SH3GL2: variants seen among roughly 807,000 people sequenced by gnomAD.
SH3GL2 encodes the protein endophilin-A1.
In SH3GL2, 24 loss-of-function variants were observed where a neutral mutation model predicts 46.0. The observed-to-expected ratio is 0.52, with a 90% confidence interval of 0.38 to 0.73. The LOEUF is 0.73. Among genes scored for constraint, SH3GL2 ranks in the 30% least tolerant of loss-of-function variants. SH3GL2 has a pLI of 0.00. For missense variants in SH3GL2, 413 were observed against 424.2 expected (o/e 0.97, Z 0.23); for synonymous variants, 196 against 147.1 (o/e 1.33, Z -2.40).
rs1026024692 is a variant in SH3GL2 at position 17,722,046 on chromosome 9, G to T, written c.46-25020G>T. 2.6e-5 allele frequency among the ~76,000 whole-genome samples: 4 copies of T among 151,942 alleles called. No homozygotes were observed. In the South Asian group the frequency reaches 8.3e-4, roughly 32 times the overall value. ...GTAGCGAAGGATTCACTCTCTCTAC[G>T]TTGCTATATCCACTTGTAAGTACAA... On this transcript the variant is annotated intron_variant, in intron 1 of 8. Transcript: ENST00000380607.
chr9:17,761,967 T>G (rs1427523590), intron 3 of SH3GL2, among the ~76,000 whole-genome samples: 1 of 152,196 alleles, frequency 6.6e-6, no homozygotes, highest in Admixed American at 6.5e-5. Context: ...AGCGTTGATC[T>G]TGATTCTGAT....
chr9:17,677,800 C>A (rs1185094156), intron 1 of SH3GL2, among the ~76,000 whole-genome samples: 1 of 151,652 alleles, frequency 6.6e-6, no homozygotes, highest in African/African-American at 2.4e-5. Flanking sequence ...CCACAACAGG[C>A]CCCCGTGTGT....
intron 1 of SH3GL2, among the ~76,000 whole-genome samples, chr9:17,660,339 C>T (rs1820181861): frequency 6.6e-6 from 1 of 152,170 alleles, no homozygotes; most frequent in Non-Finnish European, 1.5e-5. Context: ...CTGTGGACCT[C>T]TTTGGGTAGG....
intron 1 of SH3GL2, among the ~76,000 whole-genome samples, chr9:17,581,194 TA>T (rs1162345044): frequency 1.3e-5 from 2 of 152,158 alleles, no homozygotes; most frequent in African/African-American, 4.8e-5. Context: ...TTTTCCAACT[TA>T]AAAAATAGAG....
chr9:17,679,220 G>A (rs543966482), intron 1 of SH3GL2, among the ~76,000 whole-genome samples: 1 of 152,098 alleles, frequency 6.6e-6, no homozygotes, highest in African/African-American at 2.4e-5. Context: ...AATTACCTTG[G>A]GCAGTATGGC....
At chr9:17,646,726 G>T (rs896477879) in intron 1 of SH3GL2, among the ~76,000 whole-genome samples, 3 of 152,154 alleles carry the variant, frequency 2.0e-5, no homozygotes, top group African/African-American at 7.2e-5. Context: ...AAAGATTGAT[G>T]CCTGCTCCTA....
At chr9:17,740,233 T>A (rs1049325885) in intron 1 of SH3GL2, among the ~76,000 whole-genome samples, 5 of 152,110 alleles carry the variant, frequency 3.3e-5, no homozygotes, top group African/African-American at 1.2e-4. Flanking sequence ...TAAATATATA[T>A]TTTTTGAAAT....
intron 1 of SH3GL2, among the ~76,000 whole-genome samples, chr9:17,593,792 T>C (rs1353658083): frequency 6.6e-6 from 1 of 152,178 alleles, no homozygotes; most frequent in East Asian, 1.9e-4. Flanking sequence ...TGAAGTAATT[T>C]AGAAAATGGT....
At chr9:17,768,023 A>G (rs1446394355) in intron 3 of SH3GL2, among the ~76,000 whole-genome samples, 1 of 152,168 alleles carries the variant, frequency 6.6e-6, no homozygotes, top group Admixed American at 6.5e-5. Flanking sequence ...GAATAATGAT[A>G]TTCTTTACTT....
chr9:17,616,997 T>C (rs1404589278), intron 1 of SH3GL2, among the ~76,000 whole-genome samples: 1 of 152,210 alleles, frequency 6.6e-6, no homozygotes, highest in East Asian at 1.9e-4. Context: ...CTGCAAATGT[T>C]GGCAAATCTG....
At chr9:17,777,925 C>T (rs955769090) in intron 3 of SH3GL2, among the ~76,000 whole-genome samples, 1 of 151,970 alleles carries the variant, frequency 6.6e-6, no homozygotes, top group Non-Finnish European at 1.5e-5. Context: ...AGGTTGGGCT[C>T]TCATCCCTAT....
chr9:17,787,254 C>T (rs1213686623), intron 4 of SH3GL2, 126 bp from the exon 5 acceptor site: 1 of 722,596 alleles, frequency 1.4e-6, no homozygotes, highest in Non-Finnish European at 2.4e-6. Flanking sequence ...GATACCTATT[C>T]TCTCTTGTCT....
intron 1 of SH3GL2, among the ~76,000 whole-genome samples, chr9:17,696,408 G>A (rs1032473945): frequency 1.3e-5 from 2 of 152,086 alleles, no homozygotes; most frequent in African/African-American, 4.8e-5. Context: ...TTACTACTAT[G>A]GTATATTAGT....
At chr9:17,744,593 C>A (rs185468388) in intron 1 of SH3GL2, among the ~76,000 whole-genome samples, 4 of 152,076 alleles carry the variant, frequency 2.6e-5, no homozygotes, top group Admixed American at 2.0e-4. Flanking sequence ...TCTCGGAAAT[C>A]CTGGGCTCAA....
At chr9:17,592,989 C>G (rs978248489) in intron 1 of SH3GL2, among the ~76,000 whole-genome samples, 1 of 152,140 alleles carries the variant, frequency 6.6e-6, no homozygotes, top group Non-Finnish European at 1.5e-5. Flanking sequence ...CATAAAAACC[C>G]AACATCACAG....
chr9:17,655,742 C>T (rs186451678), intron 1 of SH3GL2, among the ~76,000 whole-genome samples: 1 of 152,302 alleles, frequency 6.6e-6, no homozygotes, highest in East Asian at 1.9e-4. Flanking sequence ...TAGCCCCGTG[C>T]ATCGTTTTTG....
chr9:17,634,499 C>T (rs1315891675), intron 1 of SH3GL2, among the ~76,000 whole-genome samples: 1 of 152,162 alleles, frequency 6.6e-6, no homozygotes, highest in Non-Finnish European at 1.5e-5. Flanking sequence ...TGCCTCTTTT[C>T]TTGCTATGCC....
chr9:17,779,609 A>G (rs945652358), intron 3 of SH3GL2, among the ~76,000 whole-genome samples: 5 of 152,196 alleles, frequency 3.3e-5, no homozygotes, highest in African/African-American at 9.6e-5. Flanking sequence ...GTAGACACCA[A>G]TTAAAAGCTA....
At chr9:17,783,813 G>T (rs895716531) in intron 3 of SH3GL2, among the ~76,000 whole-genome samples, 1 of 152,028 alleles carries the variant, frequency 6.6e-6, no homozygotes, top group African/African-American at 2.4e-5. Flanking sequence ...AGAGGAGTTA[G>T]GTATGTTTAG....
Sources: gnomAD v4.1 joint callset for allele counts (sites outside exome capture counted in the v4.1 genomes callset) on GRCh38, gnomAD v4.1.1 for gene constraint, MANE v1.5 for transcripts, NCBI Gene and HGNC (gene_info 2026-07-23, HGNC 2026-07-21) for gene names.